The following RPA1 variants were observed in gnomAD, a reference collection of about 807,000 sequenced individuals.
RPA1 encodes replication protein A1.
A neutral mutation model predicts 83.0 loss-of-function variants in RPA1; 49 were observed. The observed-to-expected ratio is 0.59, with a 90% confidence interval of 0.47 to 0.75. RPA1 has a LOEUF of 0.75. RPA1 is among the 30% of genes least tolerant of loss of function. RPA1 has a pLI of 0.00. For synonymous variants in RPA1, 279 were observed against 281.8 expected (o/e 0.99, Z 0.10); for missense variants, 693 against 776.1 (o/e 0.89, Z 1.27).
intron 16 of RPA1, among the ~76,000 whole-genome samples, chr17:1,896,489 G>A (rs1320158424): frequency 1.3e-5 from 2 of 152,052 alleles, no homozygotes; most frequent in Middle Eastern, 3.2e-3. Context: ...AATGAGATAG[G>A]GGATCAGATG....
chr17:1,864,456 T>C (rs1913106600), intron 5 of RPA1, among the ~76,000 whole-genome samples: 1 of 152,046 alleles, frequency 6.6e-6, no homozygotes, highest in African/African-American at 2.4e-5. Context: ...GGAGAATCGC[T>C]TGAACCTGGG....
chr17:1,842,424 G>T (rs1912085608), intron 1 of RPA1, among the ~76,000 whole-genome samples: 1 of 151,718 alleles, frequency 6.6e-6, no homozygotes, highest in Non-Finnish European at 1.5e-5. Context: ...ATTTTTTGAG[G>T]GATTTATCCA....
intron 5 of RPA1, among the ~76,000 whole-genome samples, chr17:1,860,308 G>A (rs1326201263): frequency 2.0e-5 from 3 of 151,978 alleles, no homozygotes; most frequent in African/African-American, 4.8e-5. Flanking sequence ...CACCACGCCC[G>A]GCTCATTTCT....
chr17:1,867,164 G>T (rs1282890939), intron 5 of RPA1, among the ~76,000 whole-genome samples: 1 of 123,358 alleles, frequency 8.1e-6, no homozygotes, highest in African/African-American at 2.9e-5. Context: ...ACTTTTTTTT[G>T]CAGTAGTAAC....
At chr17:1,896,188 G>T (rs1052744461) in intron 16 of RPA1, among the ~76,000 whole-genome samples, 12 of 152,174 alleles carry the variant, frequency 7.9e-5, no homozygotes, top group Non-Finnish European at 1.6e-4. Flanking sequence ...CTAGCAAGTG[G>T]TCGAGCTAAC....
intron 1 of RPA1, among the ~76,000 whole-genome samples, chr17:1,837,633 TG>T (rs1220894388): frequency 1.3e-5 from 2 of 152,200 alleles, no homozygotes; most frequent in Non-Finnish European, 2.9e-5. Flanking sequence ...GAATGTGTAA[TG>T]GTATCTCACT....
At chr17:1,885,064 C>CA (rs1042692608) in intron 13 of RPA1, among the ~76,000 whole-genome samples, 2 of 152,172 alleles carry the variant, frequency 1.3e-5, no homozygotes, top group Admixed American at 6.6e-5. Context: ...TGCTGTTTGA[C>CA]AGCATTTTAC....
chr17:1,867,460 A>G (rs1235286788), intron 5 of RPA1, among the ~76,000 whole-genome samples: 4 of 152,108 alleles, frequency 2.6e-5, no homozygotes, highest in African/African-American at 7.2e-5. Context: ...CAGTCCCAAC[A>G]CTTTGGGAGG....
intron 12 of RPA1, among the ~76,000 whole-genome samples, chr17:1,881,353 A>C (rs59571142): frequency 0.021 from 3,147 of 152,224 alleles, 109 homozygotes; most frequent in African/African-American, 0.071. Flanking sequence ...ATGGGGGGGA[A>C]GTGTGTCAGT....
intron 5 of RPA1, among the ~76,000 whole-genome samples, chr17:1,864,437 G>C (rs191480052): frequency 1.6e-3 from 245 of 152,180 alleles, no homozygotes; most frequent in Middle Eastern, 6.8e-3. Context: ...TACTAGGGAG[G>C]CTGAGGCAGG....
At chr17:1,851,551 T>C (rs559635659) in intron 4 of RPA1, among the ~76,000 whole-genome samples, 12 of 152,348 alleles carry the variant, frequency 7.9e-5, no homozygotes, top group African/African-American at 2.9e-4. Flanking sequence ...GTGTATTCTT[T>C]TAATATGCTG....
chr17:1,870,381 T>C (rs1597444581), intron 5 of RPA1, among the ~76,000 whole-genome samples: 1 of 152,358 alleles, frequency 6.6e-6, no homozygotes, highest in South Asian at 2.1e-4. Flanking sequence ...TGGTAAGACA[T>C]TAATTTACAT....
chr17:1,843,598 C>CATTATCATT (rs1555586173), intron 2 of RPA1, among the ~76,000 whole-genome samples: 11 of 141,124 alleles, frequency 7.8e-5, no homozygotes, highest in African/African-American at 2.9e-4. Context: ...TTGGGTGCTT[C>CATTATCATT]ATTATTATTA....
chr17:1,891,092 G>A (rs960848932), intron 14 of RPA1, among the ~76,000 whole-genome samples: 6 of 152,270 alleles, frequency 3.9e-5, no homozygotes, highest in African/African-American at 1.4e-4. Flanking sequence ...ATGTAAAATC[G>A]TCAAAATGAT....
intron 7 of RPA1, among the ~76,000 whole-genome samples, chr17:1,876,906 T>C (rs1221350347): frequency 1.3e-5 from 2 of 152,222 alleles, no homozygotes; most frequent in East Asian, 3.8e-4. Flanking sequence ...ATTTTCCAGC[T>C]TAGAACCTTT....
intron 5 of RPA1, among the ~76,000 whole-genome samples, chr17:1,870,320 C>T (rs946974441): frequency 2.0e-5 from 3 of 152,016 alleles, no homozygotes; most frequent in Admixed American, 6.6e-5. Flanking sequence ...TCTCAGAATC[C>T]GGGGATCACA....
At chr17:1,861,829 T>G (rs1387478884) in intron 5 of RPA1, among the ~76,000 whole-genome samples, 1 of 151,936 alleles carries the variant, frequency 6.6e-6, no homozygotes, top group Non-Finnish European at 1.5e-5. Context: ...ACTCAAGCAA[T>G]CCTCCTTGCC....
chr17:1,868,569 G>A (rs1913269925), intron 5 of RPA1, among the ~76,000 whole-genome samples: 1 of 152,044 alleles, frequency 6.6e-6, no homozygotes, highest in Admixed American at 6.6e-5. Flanking sequence ...TCAGGAGTTC[G>A]AGACCAGCCT....
chr17:1,866,943 G>A (rs186088302), intron 5 of RPA1, among the ~76,000 whole-genome samples: 58 of 152,266 alleles, frequency 3.8e-4, no homozygotes, highest in Non-Finnish European at 3.4e-4. Flanking sequence ...CTGTGTGCAC[G>A]TGCATGTATG....
Sources: gnomAD v4.1 joint callset for allele counts (sites outside exome capture counted in the v4.1 genomes callset) on GRCh38, gnomAD v4.1.1 for gene constraint, MANE v1.5 for transcripts, NCBI Gene and HGNC (gene_info 2026-07-23, HGNC 2026-07-21) for gene names.